Variants in ADAMTS12 observed in about 807,000 individuals in gnomAD.
The protein encoded by ADAMTS12 is A disintegrin and metalloproteinase with thrombospondin motifs 12.
Under a neutral mutation model 167.8 loss-of-function variants are expected in ADAMTS12, and 118 were observed. That is an observed-to-expected ratio of 0.70 (90% CI 0.61 to 0.82). The LOEUF is 0.82. Among genes scored for constraint, ADAMTS12 ranks in the 40% least tolerant of loss-of-function variants. The pLI is 0.00. For synonymous variants in ADAMTS12, 704 were observed against 716.9 expected (o/e 0.98, Z 0.29); for missense variants, 1,916 against 1,998.8 (o/e 0.96, Z 0.79).
chr5:33,572,137 A>G (rs1746387695), intron 19 of ADAMTS12, among the ~76,000 whole-genome samples: 1 of 152,182 alleles, frequency 6.6e-6, no homozygotes, highest in African/African-American at 2.4e-5. Flanking sequence ...GTCCAGGACC[A>G]GATGGATTCA....
intron 20 of ADAMTS12, among the ~76,000 whole-genome samples, chr5:33,558,865 T>A (rs1483284316): frequency 6.6e-6 from 1 of 151,356 alleles, no homozygotes; most frequent in African/African-American, 2.5e-5. Flanking sequence ...GATCCTGAGT[T>A]TGTTATGAGT....
intron 3 of ADAMTS12, among the ~76,000 whole-genome samples, chr5:33,713,554 T>C (rs1206766531): frequency 4.6e-5 from 7 of 152,110 alleles, no homozygotes; most frequent in Admixed American, 1.3e-4. Flanking sequence ...TTGATTTATA[T>C]ATAGCCTGCT....
chr5:33,889,881 G>A (rs1373140154), intron 1 of ADAMTS12, among the ~76,000 whole-genome samples: 2 of 152,166 alleles, frequency 1.3e-5, no homozygotes, highest in African/African-American at 2.4e-5. Context: ...GAACCCGGGA[G>A]GCAGAGGTTG....
intron 3 of ADAMTS12, among the ~76,000 whole-genome samples, chr5:33,685,577 C>T (rs1193654257): frequency 1.3e-5 from 2 of 152,180 alleles, no homozygotes; most frequent in Non-Finnish European, 2.9e-5. Flanking sequence ...AGAAATGAAA[C>T]ATCATCATAG....
intron 2 of ADAMTS12, among the ~76,000 whole-genome samples, chr5:33,762,431 C>T (rs1301884197): frequency 6.6e-6 from 1 of 151,780 alleles, no homozygotes; most frequent in Admixed American, 6.6e-5. Flanking sequence ...TGGTGTGAAC[C>T]CGGGAGGCGG....
chr5:33,534,119 C>A (rs73758589), intron 23 of ADAMTS12, among the ~76,000 whole-genome samples: 1 of 152,208 alleles, frequency 6.6e-6, no homozygotes, highest in South Asian at 2.1e-4. Flanking sequence ...TTGTCTCTCA[C>A]GCAGAGAGCC....
intron 2 of ADAMTS12, among the ~76,000 whole-genome samples, chr5:33,809,410 T>G (rs1747363539): frequency 6.6e-6 from 1 of 152,230 alleles, no homozygotes; most frequent in Admixed American, 6.5e-5. Flanking sequence ...TTATTGCTAA[T>G]GAGAAATTTT....
At chr5:33,637,283 C>T (rs1397160661) in intron 12 of ADAMTS12, among the ~76,000 whole-genome samples, 3 of 152,136 alleles carry the variant, frequency 2.0e-5, no homozygotes, top group African/African-American at 7.2e-5. Flanking sequence ...TTACTGAATT[C>T]CTACATGTCC....
intron 5 of ADAMTS12, among the ~76,000 whole-genome samples, chr5:33,665,619 T>G (rs1381834472): frequency 6.6e-6 from 1 of 151,952 alleles, no homozygotes; most frequent in Non-Finnish European, 1.5e-5. Context: ...TTACACAAAA[T>G]GTGAGAGAAA....
In ADAMTS12 at chr5:33,648,906, G is replaced by A; in HGVS notation, c.1395C>T (p.Val465=). The change falls in exon 9 of 24, where the codon GTC becomes GTT. Residue 465 remains valine (V), a synonymous_variant. Transcript: ENST00000504830. The part of the protein sequence containing the change: ...IPKKKGLKSK[V]IAPGVIYDVH... ...CATCATAGATCACTCCGGGGGCAAT[G>A]ACCTTGGACTTCAAGCCTTTCTTTT... 1.2e-6 allele frequency: 2 copies of A among 1,614,098 alleles called. No homozygotes were observed. The highest frequency in any genetic ancestry group is 1.7e-6 in the Non-Finnish European group (2 of 1,179,976).
chr5:33,622,630 C>T (rs182898687), intron 14 of ADAMTS12, among the ~76,000 whole-genome samples: 1,627 of 152,152 alleles, frequency 0.011, 20 homozygotes, highest in South Asian at 0.022. Context: ...TCCACCCTGG[C>T]GACAGGGCGA....
intron 2 of ADAMTS12, among the ~76,000 whole-genome samples, chr5:33,784,724 T>C (rs926866730): frequency 4.6e-5 from 7 of 152,144 alleles, no homozygotes; most frequent in African/African-American, 1.7e-4. Context: ...CCATACCATG[T>C]TCAAGGATTA....
At chr5:33,784,932 A>T (rs1054259837) in intron 2 of ADAMTS12, among the ~76,000 whole-genome samples, 1 of 152,142 alleles carries the variant, frequency 6.6e-6, no homozygotes, top group Non-Finnish European at 1.5e-5. Flanking sequence ...AACTTATTGT[A>T]AAGTTACAGT....
intron 3 of ADAMTS12, among the ~76,000 whole-genome samples, chr5:33,707,991 T>C (rs1743259254): frequency 2.0e-5 from 3 of 152,052 alleles, no homozygotes; most frequent in Admixed American, 1.3e-4. Flanking sequence ...AAATAAACTA[T>C]CATCAGAATG....
intron 2 of ADAMTS12, among the ~76,000 whole-genome samples, chr5:33,762,272 G>T (rs1745385550): frequency 3.9e-5 from 6 of 152,124 alleles, no homozygotes. Flanking sequence ...ACTTTGGGAG[G>T]CCGAGGCGGG....
chr5:33,601,106 AGTGT>A (rs55841502), intron 16 of ADAMTS12, among the ~76,000 whole-genome samples: 5,856 of 145,836 alleles, frequency 0.04, 377 homozygotes, highest in African/African-American at 0.14. Context: ...CACATTTAAG[AGTGT>A]GTGTGTGTGT....
chr5:33,581,114 C>T (rs984769293), intron 18 of ADAMTS12, among the ~76,000 whole-genome samples: 4 of 152,200 alleles, frequency 2.6e-5, no homozygotes, highest in African/African-American at 9.7e-5. Context: ...TATTCAGCTC[C>T]ACGCTTCTTC....
chr5:33,742,330 TAAAAAAAAA>T (rs3037104), intron 3 of ADAMTS12, among the ~76,000 whole-genome samples: 1 of 134,758 alleles, frequency 7.4e-6, no homozygotes, highest in Non-Finnish European at 1.6e-5. Flanking sequence ...TCCTTCCCCG[TAAAAAAAAA>T]AAAAAAAAAA....
At chr5:33,868,889 C>A (rs1120071) in intron 2 of ADAMTS12, among the ~76,000 whole-genome samples, 1 of 152,140 alleles carries the variant, frequency 6.6e-6, no homozygotes, top group African/African-American at 2.4e-5. Flanking sequence ...ATATTGGACA[C>A]CTCTTTTTAA....
Sources: allele counts gnomAD v4.1 joint callset (sites outside exome capture counted in the v4.1 genomes callset), GRCh38; gene constraint gnomAD v4.1.1; transcripts MANE v1.5; gene names NCBI Gene and HGNC (gene_info 2026-07-23, HGNC 2026-07-21).